The following CNTNAP4 variants were observed in gnomAD, a reference collection of about 807,000 sequenced individuals.
CNTNAP4 encodes contactin-associated protein-like 4.
A neutral mutation model predicts 148.4 loss-of-function variants in CNTNAP4; 98 were observed. The ratio of observed to expected loss-of-function variants is 0.66; its 90% CI spans 0.56 to 0.78. CNTNAP4 has a LOEUF of 0.78. Ranked by LOEUF, CNTNAP4 falls within the 30% of genes least tolerant of loss-of-function variation. CNTNAP4 has a pLI of 0.00. For missense variants in CNTNAP4, 1,935 were observed against 1,565.6 expected, an observed-to-expected ratio of 1.24 and a Z score of -3.98; for synonymous variants, 730 against 565.1, an observed-to-expected ratio of 1.29 and a Z score of -4.14.
intron 3 of CNTNAP4, among the ~76,000 whole-genome samples, chr16:76,421,002 C>T (rs1215493070): frequency 1.3e-5 from 2 of 152,016 alleles, no homozygotes; most frequent in Admixed American, 1.3e-4. Context: ...GACTTGTCCA[C>T]ATATCTCTCA....
intron 3 of CNTNAP4, among the ~76,000 whole-genome samples, chr16:76,378,279 CAAATT>C (rs1024467256): frequency 9.2e-5 from 14 of 151,888 alleles, no homozygotes; most frequent in Admixed American, 8.5e-4. Flanking sequence ...CTAAATCTAT[CAAATT>C]AAAAAATAAA....
At chr16:76,533,669 A>T (rs1330618825) in intron 17 of CNTNAP4, among the ~76,000 whole-genome samples, 1 of 120,346 alleles carries the variant, frequency 8.3e-6, no homozygotes, top group African/African-American at 2.9e-5. Context: ...CACCCATATT[A>T]AAAATCTTAA....
intron 10 of CNTNAP4, among the ~76,000 whole-genome samples, chr16:76,470,495 A>ATATATATATATGTATT (rs546770074): frequency 7.5e-6 from 1 of 133,966 alleles, no homozygotes; most frequent in Admixed American, 7.5e-5. Context: ...ATATATATAT[A>ATATATATATATGTATT]TAAAATTAGT....
intron 3 of CNTNAP4, among the ~76,000 whole-genome samples, chr16:76,387,562 T>C (rs2016616754): frequency 6.6e-6 from 1 of 152,212 alleles, no homozygotes; most frequent in South Asian, 2.1e-4. Flanking sequence ...AAAATGTTTA[T>C]AATCAGGCTT....
At chr16:76,532,641 A>G (rs1470282883) in intron 17 of CNTNAP4, among the ~76,000 whole-genome samples, 2 of 152,242 alleles carry the variant, frequency 1.3e-5, no homozygotes, top group African/African-American at 4.8e-5. Context: ...AATTAAATAC[A>G]CCAAGAGCAC....
chr16:76,408,416 C>T (rs997910628), intron 3 of CNTNAP4, among the ~76,000 whole-genome samples: 2 of 133,542 alleles, frequency 1.5e-5, no homozygotes, highest in African/African-American at 8.1e-5. Context: ...CAATTAACAA[C>T]CACCACCCAC....
chr16:76,311,324 G>C (rs890386807), intron 1 of CNTNAP4, among the ~76,000 whole-genome samples: 11 of 152,110 alleles, frequency 7.2e-5, no homozygotes, highest in African/African-American at 2.7e-4. Context: ...CAATCTGCCA[G>C]AGATCTAATT....
At chr16:76,417,536 A>T (rs554085266) in intron 3 of CNTNAP4, among the ~76,000 whole-genome samples, 1 of 151,752 alleles carries the variant, frequency 6.6e-6, no homozygotes, top group South Asian at 2.1e-4. Context: ...ATGTAATATT[A>T]ATTTGCAATA....
rs150010591 is a variant in CNTNAP4 at position 76,505,532 on chromosome 16, A to G, written c.2365+6838A>G. Among the ~76,000 whole-genome samples the G allele has an allele frequency of 3.0e-3, 289 of 97,500 alleles. 114 individuals are homozygous for G. Among genetic ancestry groups the G allele is most frequent in the Non-Finnish European group, 7.4e-3 (254 of 34,304 alleles). 64.0% of individuals were successfully genotyped at this position (97,500 alleles called of 152,430 possible). ...CTTTGTCAGGTGAACAAAATGTTCC[A>G]TATCTTGAGGGTGGTGGTGTTTTTA... is the stretch of plus-strand genomic sequence containing the variant. On this transcript the variant is annotated intron_variant, in intron 15 of 23. Transcript: ENST00000611870.
intron 2 of CNTNAP4, among the ~76,000 whole-genome samples, chr16:76,339,323 C>T (rs1964276197): frequency 6.6e-6 from 1 of 152,108 alleles, no homozygotes; most frequent in Non-Finnish European, 1.5e-5. Flanking sequence ...TTTCTGCCTC[C>T]TTCCTAGCTT....
intron 4 of CNTNAP4, among the ~76,000 whole-genome samples, chr16:76,440,251 C>T (rs771806283): frequency 6.6e-6 from 1 of 151,982 alleles, no homozygotes; most frequent in Non-Finnish European, 1.5e-5. Context: ...ATAAAAGACT[C>T]TAGTGTCTTT....
At chr16:76,517,209 G>T (rs970634299) in intron 15 of CNTNAP4, among the ~76,000 whole-genome samples, 3 of 152,252 alleles carry the variant, frequency 2.0e-5, no homozygotes, top group South Asian at 4.1e-4. Flanking sequence ...TAAAGAAGGG[G>T]TAAGGAGGGA....
chr16:76,461,851 G>C (rs1287447735), intron 8 of CNTNAP4, 105 bp from the exon 9 acceptor site: 1 of 893,920 alleles, frequency 1.1e-6, no homozygotes, highest in East Asian at 2.5e-5. Flanking sequence ...TAATAATAGA[G>C]TTAAGTACTG....
chr16:76,549,941 G>T (rs906916108), intron 21 of CNTNAP4, among the ~76,000 whole-genome samples: 1 of 152,186 alleles, frequency 6.6e-6, no homozygotes, highest in Non-Finnish European at 1.5e-5. Context: ...AAAACTTTGT[G>T]TCTGCAGATT....
intron 3 of CNTNAP4, among the ~76,000 whole-genome samples, chr16:76,368,948 T>A (rs1007962092): frequency 3.9e-5 from 6 of 152,114 alleles, no homozygotes; most frequent in African/African-American, 1.4e-4. Flanking sequence ...TATGGAACAC[T>A]TCCATCATCA....
rs146416107 is a variant in CNTNAP4, at chr16:76,448,803, A to G, written c.779A>G (p.Asn260Ser). The change falls in exon 6 of 24, where the codon AAT (asparagine) becomes AGT (serine). Residue 260 changes from asparagine to serine, a missense_variant. Coordinates refer to ENST00000611870, the MANE Select transcript of CNTNAP4 (RefSeq NM_033401.5). Reference sequence around the variant, plus strand: ...CTGCCTTCCACTTCCACCCTGGTCAATCTCACCCTGGGCAGCCTGCTAGAT... The same window carrying G: ...CTGCCTTCCACTTCCACCCTGGTCAGTCTCACCCTGGGCAGCCTGCTAGAT... Reference protein sequence around the residue: ...AKLPSTSTLVNLTLGSLLDDQ... With the variant: ...AKLPSTSTLVSLTLGSLLDDQ... 207 of 1,611,188 alleles carry G rather than the reference A, an allele frequency of 1.3e-4. 1 individual carries two copies. Among genetic ancestry groups the G allele is most frequent in the African/African-American group, 1.3e-3 (95 of 74,804 alleles).
chr16:76,436,602 C>G (rs892019004), intron 4 of CNTNAP4, among the ~76,000 whole-genome samples: 3 of 152,148 alleles, frequency 2.0e-5, no homozygotes, highest in Admixed American at 6.5e-5. Context: ...TCTTTCATCA[C>G]TTTGTCCAGT....
At chr16:76,422,791 A>C (rs1383698139) in intron 3 of CNTNAP4, among the ~76,000 whole-genome samples, 2 of 152,192 alleles carry the variant, frequency 1.3e-5, no homozygotes. Context: ...TAGCTAATAC[A>C]TTTCTGCTAT....
intron 3 of CNTNAP4, among the ~76,000 whole-genome samples, chr16:76,421,750 C>T (rs1015551843): frequency 6.6e-6 from 1 of 152,100 alleles, no homozygotes; most frequent in African/African-American, 2.4e-5. Flanking sequence ...ACATGTAGGT[C>T]ACAAGAATTC....
Sources: allele counts gnomAD v4.1 joint callset (sites outside exome capture counted in the v4.1 genomes callset), GRCh38; gene constraint gnomAD v4.1.1; transcripts MANE v1.5; gene names NCBI Gene and HGNC (gene_info 2026-07-23, HGNC 2026-07-21).